The following TENM3 variants were observed in gnomAD, a reference collection of about 807,000 sequenced individuals.
TENM3 encodes teneurin-3.
Under a neutral mutation model 255.1 loss-of-function variants are expected in TENM3, and 63 were observed. The ratio of observed to expected loss-of-function variants is 0.25; its 90% CI spans 0.20 to 0.30. The LOEUF is 0.30. Among genes scored for constraint, TENM3 ranks in the 10% least tolerant of loss-of-function variants. The pLI, the probability that TENM3 is intolerant of heterozygous loss-of-function variation, is 1.00. For synonymous variants in TENM3, 1,306 were observed against 1,322.3 expected (o/e 0.99, Z 0.27); for missense variants, 2,929 against 3,461.1 (o/e 0.85, Z 3.86).
At chr4:182,444,000 T>C (rs778865627) in intron 3 of TENM3, among the ~76,000 whole-genome samples, 1 of 152,232 alleles carries the variant, frequency 6.6e-6, no homozygotes, top group South Asian at 2.1e-4. Flanking sequence ...GGGTCATTTA[T>C]TATTGTGAAA....
At chr4:181,791,193 G>A in the TENM3 span, among the ~76,000 whole-genome samples, 668 of 152,270 alleles carry the variant, frequency 4.4e-3, 8 homozygotes, top group African/African-American at 0.015. Context: ...ATAGTGGTCC[G>A]GAGAAACACG....
the TENM3 span, among the ~76,000 whole-genome samples, chr4:181,698,213 CAAAAA>C: frequency 2.5e-5 from 3 of 119,482 alleles, no homozygotes; most frequent in Admixed American, 8.5e-5. Flanking sequence ...GACTCTGTCT[CAAAAA>C]AAAAAAAAAA....
At chr4:182,647,997 T>G (rs902647969) in intron 5 of TENM3, among the ~76,000 whole-genome samples, 1 of 152,212 alleles carries the variant, frequency 6.6e-6, no homozygotes, top group African/African-American at 2.4e-5. Context: ...CCTTAAAGTT[T>G]GCACTTCCTG....
At chr4:182,136,989 A>T in the TENM3 span, among the ~76,000 whole-genome samples, 1 of 151,794 alleles carries the variant, frequency 6.6e-6, no homozygotes, top group Non-Finnish European at 1.5e-5. Context: ...CCCCCACCCA[A>T]TACAACGTTG....
chr4:182,624,367 G>A (rs970662885), intron 4 of TENM3, among the ~76,000 whole-genome samples: 4 of 152,154 alleles, frequency 2.6e-5, no homozygotes, highest in African/African-American at 4.8e-5. Context: ...CAAACCTGTC[G>A]CTACCTGAGT....
intron 19 of TENM3, chr4:182,744,216 TTCAATGTGACCC>T: frequency 1.1e-6 from 1 of 905,886 alleles, no homozygotes; most frequent in Non-Finnish European, 1.3e-6. Context: ...CTTTTTACAT[TTCAATGTGACCC>T]TCTGAAATTG....
At chr4:181,468,132 C>CCA in the TENM3 span, among the ~76,000 whole-genome samples, 18 of 130,722 alleles carry the variant, frequency 1.4e-4, no homozygotes, top group Middle Eastern at 4.2e-3. Context: ...CCCATCTGTA[C>CCA]AAAAAAAAAA....
rs541196296 is a variant in TENM3, at chr4:182,652,739, C to T, written c.989-1032C>T. On this transcript the variant is annotated intron_variant, in intron 5 of 27. Transcript: ENST00000511685. ...CTGCCTTCTTATTCTTCCTCCATTG[C>T]GCTGGTAAATTCCAGTACATACAGT... 1.8e-4 allele frequency among the ~76,000 whole-genome samples: 28 copies of T among 152,154 alleles called. 1 individual carries two copies. The South Asian group carries it at 2.7e-3, about 15-fold the overall frequency.
At chr4:182,197,625 T>C (rs1579678592) in intron 1 of TENM3, among the ~76,000 whole-genome samples, 1 of 152,214 alleles carries the variant, frequency 6.6e-6, no homozygotes, top group South Asian at 2.1e-4. Context: ...AAATAGGTAC[T>C]GTGGTAAGAG....
At chr4:182,450,447 A>C (rs1179859532) in intron 3 of TENM3, among the ~76,000 whole-genome samples, 1 of 152,112 alleles carries the variant, frequency 6.6e-6, no homozygotes, top group Non-Finnish European at 1.5e-5. Flanking sequence ...ATGCGACTGC[A>C]GCGTTCAAAA....
intron 5 of TENM3, among the ~76,000 whole-genome samples, chr4:182,635,073 G>T (rs1751734773): frequency 6.6e-6 from 1 of 152,206 alleles, no homozygotes; most frequent in African/African-American, 2.4e-5. Context: ...TCTGTGCACT[G>T]CTAGGCAGAG....
chr4:181,725,677 C>T, the TENM3 span, among the ~76,000 whole-genome samples: 10 of 152,072 alleles, frequency 6.6e-5, no homozygotes, highest in Non-Finnish European at 8.8e-5. Context: ...TTCCTGACCT[C>T]GTAATCCACC....
Position 182,679,613 on chromosome 4 carries a change from G to A in TENM3, c.1327-53G>A, listed in dbSNP as rs1273719553. The A allele has an allele frequency of 6.5e-6, 9 of 1,392,054 alleles. No homozygotes were observed. The Admixed American group carries it at 1.9e-4, about 29-fold the overall frequency. The allele number at this position is 1,392,054 out of a possible 1,614,324, so 86.2% of individuals were successfully genotyped here. On this transcript the variant is annotated intron_variant, in intron 7 of 27. Transcript: ENST00000511685. The stretch of plus-strand genomic sequence containing the variant: ...CAGATTGAAGAGAAAAAAAAAAAGA[G>A]AGAAGCAGCCACCCTTTATCTTTCT...
the TENM3 span, among the ~76,000 whole-genome samples, chr4:181,612,032 T>C: frequency 1.3e-5 from 2 of 152,352 alleles, no homozygotes; most frequent in African/African-American, 2.4e-5. Flanking sequence ...GTGGCCTTTA[T>C]GCCTCAGGAA....
the TENM3 span, among the ~76,000 whole-genome samples, chr4:181,960,108 T>C: frequency 1.3e-5 from 2 of 152,370 alleles, no homozygotes; most frequent in East Asian, 3.8e-4. Flanking sequence ...GGATTTATCA[T>C]TGACATCTTT....
At chr4:182,055,463 C>T in the TENM3 span, among the ~76,000 whole-genome samples, 1 of 152,160 alleles carries the variant, frequency 6.6e-6, no homozygotes, top group Non-Finnish European at 1.5e-5. Flanking sequence ...TCTCACTTCC[C>T]TTGAGGATAG....
At chr4:182,332,137 A>G (rs1273329360) in intron 2 of TENM3, among the ~76,000 whole-genome samples, 1 of 152,170 alleles carries the variant, frequency 6.6e-6, no homozygotes, top group Non-Finnish European at 1.5e-5. Flanking sequence ...TATAAGCCAA[A>G]ACATTTTATC....
chr4:181,546,607 G>A, the TENM3 span, among the ~76,000 whole-genome samples: 4 of 142,078 alleles, frequency 2.8e-5, no homozygotes, highest in Non-Finnish European at 6.1e-5. Context: ...CCAGCTACTC[G>A]GGAGGCTGAG....
the TENM3 span, among the ~76,000 whole-genome samples, chr4:181,766,576 GA>G: frequency 6.6e-6 from 1 of 152,072 alleles, no homozygotes; most frequent in Non-Finnish European, 1.5e-5. Flanking sequence ...TCTTCTGAGA[GA>G]AAAGGAGTTA....
Sources: allele counts gnomAD v4.1 joint callset (sites outside exome capture counted in the v4.1 genomes callset), GRCh38; gene constraint gnomAD v4.1.1; transcripts MANE v1.5; gene names NCBI Gene and HGNC (gene_info 2026-07-23, HGNC 2026-07-21).